RNF152: variants seen among roughly 807,000 people sequenced by gnomAD.
RNF152 encodes the protein ring finger protein 152.
In RNF152, 11 loss-of-function variants were observed where a neutral mutation model predicts 12.7. The ratio of observed to expected loss-of-function variants is 0.86; its 90% CI spans 0.54 to 1.43. The LOEUF is 1.43. Ranked by LOEUF, RNF152 falls within the 40% of genes most tolerant of loss-of-function variation. RNF152 has a pLI of 0.00. For synonymous variants in RNF152, 113 were observed against 120.3 expected, an observed-to-expected ratio of 0.94 and a Z score of 0.40; for missense variants, 255 against 274.8, an observed-to-expected ratio of 0.93 and a Z score of 0.51.
chr18:61,836,990 G>A (rs1320519884), intron 1 of RNF152, among the ~76,000 whole-genome samples: 1 of 152,166 alleles, frequency 6.6e-6, no homozygotes, highest in African/African-American at 2.4e-5. Context: ...ATGATAAAGA[G>A]AGTTATCTTT....
At chr18:61,882,276 G>C (rs1217787468) in intron 1 of RNF152, among the ~76,000 whole-genome samples, 2 of 152,200 alleles carry the variant, frequency 1.3e-5, no homozygotes, top group Non-Finnish European at 2.9e-5. Flanking sequence ...CTAATATTTA[G>C]CACTGTGTGT....
At chr18:61,858,509 T>G (rs1301552688) in intron 1 of RNF152, among the ~76,000 whole-genome samples, 1 of 151,988 alleles carries the variant, frequency 6.6e-6, no homozygotes, top group Admixed American at 6.6e-5. Flanking sequence ...CCCCGATACC[T>G]TCTCCCTAGA....
chr18:61,853,580 C>T (rs571786808), intron 1 of RNF152, among the ~76,000 whole-genome samples: 4 of 152,152 alleles, frequency 2.6e-5, no homozygotes, highest in Non-Finnish European at 5.9e-5. Context: ...GCTGAGCCAT[C>T]GCACCTCACC....
At chr18:61,894,104 C>A (rs555238869), upstream of RNF152, 1 of 152,144 alleles carries the variant, frequency 6.6e-6, no homozygotes, top group African/African-American at 2.4e-5. The surrounding 1 kb of genome is among the most constrained non-coding windows in gnomAD (Gnocchi z 4.9). Flanking sequence ...TGTCCGCCCC[C>A]GATCCGGAGC....
intron 1 of RNF152, among the ~76,000 whole-genome samples, chr18:61,870,055 C>A (rs555528371): frequency 6.6e-6 from 1 of 152,126 alleles, no homozygotes; most frequent in Non-Finnish European, 1.5e-5. Context: ...ACTTGTTATA[C>A]CATAAAAAAG....
intron 1 of RNF152, among the ~76,000 whole-genome samples, chr18:61,864,369 T>C (rs1299280497): frequency 6.6e-6 from 1 of 152,226 alleles, no homozygotes; most frequent in Non-Finnish European, 1.5e-5. Context: ...GAACAGTTTA[T>C]GGCTATTACT....
chr18:61,835,247 A>C (rs1910127392), intron 1 of RNF152, among the ~76,000 whole-genome samples: 1 of 152,248 alleles, frequency 6.6e-6, no homozygotes, highest in Admixed American at 6.5e-5. Flanking sequence ...TATTTGCAAT[A>C]GGAAAAAAAT....
At chr18:61,883,812 T>C (rs1912570685) in intron 1 of RNF152, among the ~76,000 whole-genome samples, 1 of 152,186 alleles carries the variant, frequency 6.6e-6, no homozygotes, top group African/African-American at 2.4e-5. Context: ...CTCAGAACCC[T>C]TTCTCAGACT....
intron 1 of RNF152, among the ~76,000 whole-genome samples, chr18:61,853,695 T>C (rs1323081629): frequency 6.6e-6 from 1 of 152,178 alleles, no homozygotes; most frequent in Admixed American, 6.5e-5. Context: ...TACCACTAAC[T>C]TTGACTATTC....
At chr18:61,893,206 A>T (rs1488181780), upstream of RNF152, 1 of 152,254 alleles carries the variant, frequency 6.6e-6, no homozygotes, top group African/African-American at 2.4e-5. Context: ...AAATCGGAGC[A>T]GGTGGGGAAT....
intron 1 of RNF152, among the ~76,000 whole-genome samples, chr18:61,876,024 A>G (rs1912198427): frequency 6.6e-6 from 1 of 151,850 alleles, no homozygotes; most frequent in Admixed American, 6.6e-5. Flanking sequence ...AACCTTTCCA[A>G]TCCTTTTTCA....
chr18:61,828,767 C>T (rs1013856627), intron 1 of RNF152, among the ~76,000 whole-genome samples: 2 of 152,078 alleles, frequency 1.3e-5, no homozygotes, highest in Admixed American at 1.3e-4. Context: ...CATTCAAATG[C>T]ATATTGAGTA....
At chr18:61,863,909 G>C (rs1043866582) in intron 1 of RNF152, among the ~76,000 whole-genome samples, 4 of 152,216 alleles carry the variant, frequency 2.6e-5, no homozygotes, top group African/African-American at 9.6e-5. Context: ...AGGAACTTGG[G>C]TGGTGAGCTC....
intron 1 of RNF152, among the ~76,000 whole-genome samples, chr18:61,854,580 T>C (rs868601276): frequency 1.3e-5 from 2 of 152,186 alleles, no homozygotes; most frequent in South Asian, 4.1e-4. Flanking sequence ...GAGGTGGTAT[T>C]TGGAGCCTCA....
intron 1 of RNF152, among the ~76,000 whole-genome samples, chr18:61,818,122 A>C (rs1445958734): frequency 3.9e-5 from 6 of 152,174 alleles, no homozygotes; most frequent in African/African-American, 1.2e-4. Context: ...CAAAATTAAG[A>C]ATGCACCAAA....
chr18:61,829,878 AC>A (rs1909857222), intron 1 of RNF152, among the ~76,000 whole-genome samples: 1 of 152,010 alleles, frequency 6.6e-6, no homozygotes. Context: ...GCTTGTGAAG[AC>A]TTCAGGGGGG....
At chr18:61,868,775 G>T (rs1030083399) in intron 1 of RNF152, among the ~76,000 whole-genome samples, 7 of 152,194 alleles carry the variant, frequency 4.6e-5, no homozygotes, top group Admixed American at 2.6e-4. Context: ...TCCAGGAAAT[G>T]AATGAAAAGC....
chr18:61,841,921 G>A (rs1209213352), intron 1 of RNF152, among the ~76,000 whole-genome samples: 3 of 152,308 alleles, frequency 2.0e-5, no homozygotes, highest in Admixed American at 6.5e-5. Flanking sequence ...CTCTACCACT[G>A]TAACAGAAAG....
Position 61,878,924 on chromosome 18 carries a change from A to G in RNF152, c.-136+13871T>C, listed in dbSNP as rs780316602. ...AAATGATAGCAGTTCCTACAGCTAA[A>G]GAACTTACACTAGAGCTGGAGAGGC... On this transcript the variant is annotated intron_variant, in intron 1 of 1. Coordinates refer to ENST00000312828, the MANE Select transcript of RNF152 (RefSeq NM_173557.3). 9.1e-4 allele frequency among the ~76,000 whole-genome samples: 139 copies of G among 152,386 alleles called. 1 individual carries two copies. The highest frequency in any genetic ancestry group is 3.0e-3 in the Admixed American group (46 of 15,304).
Sources: allele counts gnomAD v4.1 joint callset (sites outside exome capture counted in the v4.1 genomes callset), GRCh38; gene constraint gnomAD v4.1.1; non-coding constraint Gnocchi (gnomAD v3.1); transcripts MANE v1.5; gene names NCBI Gene and HGNC (gene_info 2026-07-23, HGNC 2026-07-21).